Variants in CEP83 observed in about 807,000 individuals in gnomAD.
CEP83 encodes centrosomal protein of 83 kDa.
CEP83 carries 70 observed loss-of-function variants against 101.9 expected under a neutral mutation model. The ratio of observed to expected loss-of-function variants is 0.69; its 90% confidence interval spans 0.57 to 0.84. The LOEUF (loss-of-function observed/expected upper bound fraction) is 0.84. CEP83 is among the 40% of genes least tolerant of loss of function. The probability of loss-of-function intolerance (pLI) is 0.00; values close to 1 mark genes in which losing one functional copy is unlikely to be tolerated. For missense variants in CEP83, 715 were observed against 787.2 expected (o/e 0.91, Z 1.10); for synonymous variants, 264 against 267.9 (o/e 0.99, Z 0.14).
At chr12:94,305,249 CTTATT>C (rs1565878784), downstream of CEP83, 2 of 1,611,034 alleles carry the variant, frequency 1.2e-6, no homozygotes, top group Non-Finnish European at 1.7e-6. Context: ...ATGTAAAAGT[CTTATT>C]TGATGAAAAG....
chr12:94,329,179 T>C (rs1473522759), intron 14 of CEP83, among the ~76,000 whole-genome samples: 1 of 152,224 alleles, frequency 6.6e-6, no homozygotes, highest in Non-Finnish European at 1.5e-5. Flanking sequence ...ACACTCATCA[T>C]CTGGTAGACA....
chr12:94,365,102 A>C (rs1224915312), intron 11 of CEP83, among the ~76,000 whole-genome samples: 1 of 152,188 alleles, frequency 6.6e-6, no homozygotes, highest in Non-Finnish European at 1.5e-5. Context: ...CTGCAGCATA[A>C]TCCTAATATA....
the CEP83 span, among the ~76,000 whole-genome samples, chr12:94,269,593 C>A: frequency 1.6e-4 from 24 of 152,220 alleles, no homozygotes; most frequent in African/African-American, 5.8e-4. Flanking sequence ...CGTAATTAAA[C>A]AACCCACTGT....
At chr12:94,400,083 T>C (rs2063162619) in intron 6 of CEP83, among the ~76,000 whole-genome samples, 1 of 152,232 alleles carries the variant, frequency 6.6e-6, no homozygotes, top group Non-Finnish European at 1.5e-5. Flanking sequence ...TAATTCTAAA[T>C]AAAGACAATG....
intron 11 of CEP83, among the ~76,000 whole-genome samples, chr12:94,341,479 T>C (rs1565943749): frequency 6.6e-6 from 1 of 152,124 alleles, no homozygotes; most frequent in Non-Finnish European, 1.5e-5. Context: ...ATAGACCTGG[T>C]TGATGTAGCT....
chr12:94,272,488 G>A, the CEP83 span: 1 of 152,248 alleles, frequency 6.6e-6, no homozygotes, highest in Non-Finnish European at 1.5e-5. Flanking sequence ...AACATGTCCT[G>A]ACTCTGAGCT....
intron 14 of CEP83, among the ~76,000 whole-genome samples, chr12:94,331,318 A>AAAAAAAAAAAT (rs1267699635): frequency 2.6e-5 from 2 of 75,864 alleles, no homozygotes; most frequent in Admixed American, 1.3e-4. Flanking sequence ...AAAAAAAAAG[A>AAAAAAAAAAAT]TTTAATTATA....
intron 6 of CEP83, among the ~76,000 whole-genome samples, chr12:94,384,878 T>C (rs1422384673): frequency 6.6e-6 from 1 of 152,238 alleles, no homozygotes; most frequent in Non-Finnish European, 1.5e-5. Flanking sequence ...CTAACACCTC[T>C]GCATCTCAGT....
At position 94,308,604 on chromosome 12, in the gene CEP83, T is replaced by C. The variant is rs1456966986; in HGVS notation, c.*209A>G. On this transcript the variant is annotated 3_prime_UTR_variant, in exon 17 of 17. Coordinates refer to ENST00000397809, the MANE Select transcript of CEP83 (RefSeq NM_016122.3). ...AAACCATTGTCAAATATTCTAAATA[T>C]CTCTGAGAATTTCTCTTTTAATGCT... 2.8e-6 allele frequency: 1 copy of C among 352,748 alleles called. No homozygotes were observed. Among genetic ancestry groups the C allele is most frequent in the East Asian group, 4.6e-5 (1 of 21,970 alleles). The allele number at this position is 352,748 out of a possible 1,614,324, so 21.9% of individuals were successfully genotyped here.
rs146960883 is a variant in CEP83 at position 94,314,188 on chromosome 12, C to T, written c.1708-1171G>A. ...CCTAAAATGTTAAAACTCATTTAGT[C>T]GCTACAAACCTTTTAGGTATTTTCT... On this transcript the variant is annotated intron_variant, in intron 14 of 16. Transcript: ENST00000397809. 5.9e-4 allele frequency among the ~76,000 whole-genome samples: 90 copies of T among 152,092 alleles called. 1 individual carries two copies. In the East Asian group the frequency reaches 0.016, roughly 27 times the overall value.
chr12:94,298,203 A>G, the CEP83 span, among the ~76,000 whole-genome samples: 2 of 152,260 alleles, frequency 1.3e-5, no homozygotes, highest in Admixed American at 1.3e-4. Context: ...TGGAAAGTAC[A>G]CAATAAAACT....
At chr12:94,400,773 A>C (rs1015037030) in intron 6 of CEP83, 77 bp downstream of exon 6, 2 of 894,376 alleles carry the variant, frequency 2.2e-6, no homozygotes, top group Middle Eastern at 8.5e-4. Flanking sequence ...TCTAATTTGA[A>C]ATTTTTAAAA....
chr12:94,446,248 G>A (rs906497787), intron 1 of CEP83, among the ~76,000 whole-genome samples: 2 of 152,030 alleles, frequency 1.3e-5, no homozygotes, highest in Non-Finnish European at 2.9e-5. Flanking sequence ...TTATTTCAAC[G>A]TTTAATGTTG....
intron 1 of CEP83, among the ~76,000 whole-genome samples, chr12:94,442,833 T>C (rs1383958832): frequency 6.6e-6 from 1 of 152,210 alleles, no homozygotes; most frequent in African/African-American, 2.4e-5. Context: ...CTCTATCCTC[T>C]ATTTATAACA....
the CEP83 span, among the ~76,000 whole-genome samples, chr12:94,286,619 A>C: frequency 2.1e-5 from 1 of 47,624 alleles, no homozygotes; most frequent in Non-Finnish European, 5.0e-5. Flanking sequence ...TTAAAAGCAA[A>C]AAAAAAAAAA....
At chr12:94,271,506 A>G in the CEP83 span, among the ~76,000 whole-genome samples, 15 of 152,240 alleles carry the variant, frequency 9.9e-5, no homozygotes, top group Non-Finnish European at 1.6e-4. Context: ...GAATGCAGTT[A>G]CATGTTCCCA....
chr12:94,445,239 CA>C (rs2066710718), intron 1 of CEP83, among the ~76,000 whole-genome samples: 2 of 151,616 alleles, frequency 1.3e-5, no homozygotes. Context: ...ATAGTCTTTT[CA>C]ACAAATGGTC....
chr12:94,407,534 G>A (rs1008887309), intron 4 of CEP83, among the ~76,000 whole-genome samples: 2 of 152,164 alleles, frequency 1.3e-5, no homozygotes, highest in African/African-American at 4.8e-5. Context: ...GTAATGGTGT[G>A]CACCTCACCA....
intron 14 of CEP83, among the ~76,000 whole-genome samples, chr12:94,317,276 G>A (rs1970858209): frequency 6.6e-6 from 1 of 151,566 alleles, no homozygotes; most frequent in Admixed American, 6.6e-5. Context: ...TTTTTATCCT[G>A]TAAATTTAAG....
Sources: gnomAD v4.1 joint callset for allele counts (sites outside exome capture counted in the v4.1 genomes callset) on GRCh38, gnomAD v4.1.1 for gene constraint, MANE v1.5 for transcripts, NCBI Gene and HGNC (gene_info 2026-07-23, HGNC 2026-07-21) for gene names.